The following ZDHHC3 variants were observed in gnomAD, a reference collection of about 807,000 sequenced individuals.
ZDHHC3 encodes zDHHC palmitoyltransferase 3, also known as palmitoyltransferase ZDHHC3.
ZDHHC3 carries 9 observed loss-of-function variants against 30.6 expected under a neutral mutation model. The observed-to-expected ratio is 0.29, with a 90% confidence interval of 0.18 to 0.51. The LOEUF (loss-of-function observed/expected upper bound fraction) is 0.51, where lower values mean the gene tolerates loss of function less well. Among genes scored for constraint, ZDHHC3 ranks in the 20% least tolerant of loss-of-function variants. The probability of loss-of-function intolerance (pLI) is 0.97; values close to 1 mark genes in which losing one functional copy is unlikely to be tolerated. For synonymous variants in ZDHHC3, 136 were observed against 140.2 expected (o/e 0.97, Z 0.21); for missense variants, 246 against 384.2 (o/e 0.64, Z 3.01).
rs1453217993 is a variant in ZDHHC3 at position 44,929,336 on chromosome 3, G to A, written c.711C>T (p.Thr237=). ...CATCTGTGCAGATGGAGTGCACCTG[G>A]GTCCCAAACATCACTGATGTGAAAA... ...FLIFTSVMFG[T]QVHSICTDET... Residue 237 remains threonine, a synonymous_variant, in exon 6 of 7, where the codon ACC becomes ACT. Coordinates refer to ENST00000424952, the MANE Select transcript of ZDHHC3 (RefSeq NM_001135179.2). The A allele has an allele frequency of 6.2e-7, 1 of 1,613,952 alleles. No homozygotes were observed. The highest frequency in any genetic ancestry group is 8.5e-7 in the Non-Finnish European group (1 of 1,179,990).
chr3:44,939,710 T>C (rs540320104), intron 3 of ZDHHC3, among the ~76,000 whole-genome samples: 16 of 152,362 alleles, frequency 1.1e-4, no homozygotes, highest in African/African-American at 3.8e-4. Flanking sequence ...AGCAAAGCTA[T>C]TCTTCCCTCT....
chr3:44,924,116 T>A lies in ZDHHC3; in HGVS notation c.*2573A>T, dbSNP rs780479115. 2.0e-6 allele frequency: 2 copies of A among 985,390 alleles called. No individual in the cohort carries two copies. Among genetic ancestry groups the A allele is most frequent in the Non-Finnish European group, 2.4e-6 (2 of 829,914 alleles). The allele number at this position is 985,390 out of a possible 1,614,324, so 61.0% of individuals were successfully genotyped here. A position where few individuals can be genotyped will look rare whatever the true frequency, so the allele number is the denominator to read the frequency against. ...AGACTGTGGCTACGACTGGTTCAAT[T>A]TCCCATGAGTGCACCAAACAGTACT... On this transcript the variant is annotated 3_prime_UTR_variant, in exon 7 of 7. Coordinates refer to ENST00000424952, the MANE Select transcript of ZDHHC3 (RefSeq NM_001135179.2).
chr3:44,945,383 C>CCA (rs1423076929), intron 2 of ZDHHC3, 91 bp from the exon 3 acceptor site: 194 of 1,534,310 alleles, frequency 1.3e-4, no homozygotes, highest in Middle Eastern at 1.8e-4. Context: ...AAAGCAGCAA[C>CCA]CACACACACA....
chr3:44,967,340 T>C (rs998231685), intron 1 of ZDHHC3, among the ~76,000 whole-genome samples: 1 of 152,166 alleles, frequency 6.6e-6, no homozygotes, highest in African/African-American at 2.4e-5. Flanking sequence ...ACTATTTTAT[T>C]ACAATTGGCT....
intron 6 of ZDHHC3, among the ~76,000 whole-genome samples, chr3:44,928,327 G>A (rs1284073198): frequency 1.3e-5 from 2 of 152,126 alleles, no homozygotes; most frequent in Non-Finnish European, 2.9e-5. Context: ...TTCTTTGCAC[G>A]TCCTCCTCTA....
At chr3:44,968,682 T>C (rs926183301) in intron 1 of ZDHHC3, among the ~76,000 whole-genome samples, 1 of 152,082 alleles carries the variant, frequency 6.6e-6, no homozygotes, top group Non-Finnish European at 1.5e-5. Context: ...GGTGACAGAG[T>C]GTGACCCTGT....
At chr3:44,964,246 C>A (rs1291488053) in intron 1 of ZDHHC3, among the ~76,000 whole-genome samples, 1 of 152,146 alleles carries the variant, frequency 6.6e-6, no homozygotes, top group Non-Finnish European at 1.5e-5. Context: ...GCAACAAAAC[C>A]CCAACAACCA....
chr3:44,932,022 T>C (rs1701537063), intron 5 of ZDHHC3, among the ~76,000 whole-genome samples: 1 of 152,230 alleles, frequency 6.6e-6, no homozygotes, highest in South Asian at 2.1e-4. Flanking sequence ...CAGTCTGTGC[T>C]ACCCCTATCA....
intron 2 of ZDHHC3, among the ~76,000 whole-genome samples, chr3:44,947,507 GAGA>G (rs1703053589): frequency 6.6e-6 from 1 of 152,180 alleles, no homozygotes. Context: ...CAGCATTACT[GAGA>G]AGGTTAAACT....
In ZDHHC3 at chr3:44,943,297, T is replaced by C. The variant is rs900231383; in HGVS notation, c.431+1871A>G. On this transcript the variant is annotated intron_variant, in intron 3 of 6. Coordinates refer to ENST00000424952, the MANE Select transcript of ZDHHC3 (RefSeq NM_001135179.2). ...CAAACCTGTCTCTAGTACTCACTGCTGTGTGACCGTGGAGCACTCAACCCC... is the reference window on the plus strand; with the variant it reads ...CAAACCTGTCTCTAGTACTCACTGCCGTGTGACCGTGGAGCACTCAACCCC... Among the ~76,000 whole-genome samples, 10 of 152,352 alleles carry C rather than the reference T, an allele frequency of 6.6e-5. No individual in the cohort carries two copies. The East Asian group carries it at 1.7e-3, about 26-fold the overall frequency.
At position 44,923,976 on chromosome 3, in the gene ZDHHC3, G is replaced by C. The variant is rs535622438; in HGVS notation, c.*2713C>G. The stretch of plus-strand genomic sequence containing the variant: ...CTAAGCCTTTTGCATATTCAGTCTA[G>C]TTGCTATGAACACAAACCTGACAGA... On this transcript the variant is annotated 3_prime_UTR_variant, in exon 7 of 7. Transcript: ENST00000424952. 1 of 985,430 alleles carries C rather than the reference G, an allele frequency of 1.0e-6. No individual in the cohort carries two copies. Among genetic ancestry groups the C allele is most frequent in the Non-Finnish European group, 1.2e-6 (1 of 829,934 alleles). 61.0% of individuals were successfully genotyped at this position (985,430 alleles called of 1,614,324 possible).
chr3:44,972,498 C>T (rs1434557608), intron 1 of ZDHHC3, among the ~76,000 whole-genome samples: 1 of 152,188 alleles, frequency 6.6e-6, no homozygotes, highest in African/African-American at 2.4e-5. Flanking sequence ...ACCACAGACT[C>T]AGCATTGCCC....
At chr3:44,936,347 C>CA (rs1284507755) in intron 3 of ZDHHC3, among the ~76,000 whole-genome samples, 2 of 152,114 alleles carry the variant, frequency 1.3e-5, no homozygotes, top group Non-Finnish European at 2.9e-5. Context: ...ATTAAAAAGT[C>CA]AAAAAACAAC....
intron 2 of ZDHHC3, among the ~76,000 whole-genome samples, chr3:44,948,041 T>C (rs1295783217): frequency 6.6e-6 from 1 of 152,120 alleles, no homozygotes; most frequent in African/African-American, 2.4e-5. Flanking sequence ...CTGTGTCAGG[T>C]CTACTTCACA....
At chr3:44,954,212 T>G (rs2125894409) in intron 2 of ZDHHC3, among the ~76,000 whole-genome samples, 1 of 149,832 alleles carries the variant, frequency 6.7e-6, no homozygotes, top group Non-Finnish European at 1.5e-5. Flanking sequence ...GGGGTCGGGG[T>G]GGGGGAGCAG....
At chr3:44,952,203 G>C (rs954325567) in intron 2 of ZDHHC3, among the ~76,000 whole-genome samples, 5 of 152,024 alleles carry the variant, frequency 3.3e-5, no homozygotes, top group African/African-American at 1.2e-4. Context: ...CTGTCACCTG[G>C]GGTAGAAATC....
intron 3 of ZDHHC3, among the ~76,000 whole-genome samples, chr3:44,934,571 CA>C (rs55841069): frequency 0.54 from 51,998 of 95,526 alleles, 11,093 homozygotes; most frequent in East Asian, 0.82. Flanking sequence ...TCCATTTAGC[CA>C]AAAAAAAAAA....
At chr3:44,940,171 C>CA (rs1559678835) in intron 3 of ZDHHC3, among the ~76,000 whole-genome samples, 1 of 152,190 alleles carries the variant, frequency 6.6e-6, no homozygotes, top group African/African-American at 2.4e-5. Flanking sequence ...GACCTCCCCC[C>CA]ACAACTCCTG....
At chr3:44,936,529 C>T (rs778541839) in intron 3 of ZDHHC3, among the ~76,000 whole-genome samples, 1 of 152,186 alleles carries the variant, frequency 6.6e-6, no homozygotes, top group Non-Finnish European at 1.5e-5. Flanking sequence ...GAATAGAAAT[C>T]CTTCTACCAT....
Sources: allele counts gnomAD v4.1 joint callset (sites outside exome capture counted in the v4.1 genomes callset), GRCh38; gene constraint gnomAD v4.1.1; transcripts MANE v1.5; gene names NCBI Gene and HGNC (gene_info 2026-07-23, HGNC 2026-07-21).